Variants in DNAH2 observed in about 807,000 individuals in gnomAD.
DNAH2 encodes dynein axonemal heavy chain 2.
DNAH2 carries 323 observed loss-of-function variants against 523.5 expected under a neutral mutation model. The ratio of observed to expected loss-of-function variants is 0.62; its 90% confidence interval spans 0.56 to 0.68. The LOEUF (loss-of-function observed/expected upper bound fraction) is 0.68, where lower values mean the gene tolerates loss of function less well. Ranked by LOEUF, DNAH2 falls within the 30% of genes least tolerant of loss-of-function variation. The probability of loss-of-function intolerance (pLI) is 0.00; values close to 1 mark genes in which losing one functional copy is unlikely to be tolerated. For missense variants in DNAH2, 4,907 were observed against 5,701.5 expected, an observed-to-expected ratio of 0.86 and a Z score of 4.49; for synonymous variants, 2,093 against 2,177.4, an observed-to-expected ratio of 0.96 and a Z score of 1.08.
At position 7,786,118 on chromosome 17, in the gene DNAH2, C is replaced by T. The variant is rs774929626; in HGVS notation, c.6130-6C>T. 25 of 1,613,766 alleles carry T rather than the reference C, an allele frequency of 1.5e-5. No homozygotes were observed. In the East Asian group the frequency reaches 5.3e-4, roughly 35 times the overall value. On this transcript the variant is annotated splice_region_variant and splice_polypyrimidine_tract_variant and intron_variant, in intron 39 of 85. Coordinates refer to ENST00000572933, the MANE Select transcript of DNAH2 (RefSeq NM_020877.5). The surrounding 1 kb of genome is among the most constrained non-coding windows in gnomAD (Gnocchi z 7.5). ...CTTCTGCTTGCTGTGTTTTCCCTTC[C>T]CTCAGCTGCGGGAGACCGTTGAGCA...
intron 30 of DNAH2, 46 bp from the exon 31 acceptor site, chr17:7,775,978 C>G (rs750166166): frequency 6.2e-7 from 1 of 1,606,680 alleles, no homozygotes; most frequent in Non-Finnish European, 8.5e-7. Flanking sequence ...GGACCTTGGC[C>G]GTGCCCCCTC....
At chr17:7,738,726 A>G (rs1298989349) in intron 8 of DNAH2, among the ~76,000 whole-genome samples, 1 of 151,914 alleles carries the variant, frequency 6.6e-6, no homozygotes, top group Admixed American at 6.6e-5. Flanking sequence ...TCTATTATGT[A>G]TGAATCTGCT....
chr17:7,775,002 T>C, intron 29 of DNAH2, 26 bp downstream of exon 29: 2 of 1,609,174 alleles, frequency 1.2e-6, no homozygotes, highest in Non-Finnish European at 1.7e-6. Flanking sequence ...CACAGTGAGA[T>C]GCTGGGTGGC....
At chr17:7,824,066 C>A in intron 75 of DNAH2, 55 bp from the exon 76 acceptor site, 2 of 1,574,332 alleles carry the variant, frequency 1.3e-6, no homozygotes, top group Non-Finnish European at 8.6e-7. Flanking sequence ...TCATCTCTCT[C>A]TCCCACTTTG....
intron 20 of DNAH2, among the ~76,000 whole-genome samples, chr17:7,764,782 C>CTTTTTTTTTTTTTTTT (rs59188289): frequency 2.0e-5 from 1 of 49,506 alleles, no homozygotes; most frequent in African/African-American, 9.0e-5. Context: ...ACTGTATTTA[C>CTTTTTTTTTTTTTTTT]TTTTTTTTTT....
At position 7,792,697 on chromosome 17, in the gene DNAH2, G is replaced by C; in HGVS notation, c.7186G>C (p.Val2396Leu). ...GATCATGGTGCCCACCGTCGACACT[G>C]TTCGCTACAACTACCTGGTGAGCAG... ...YKIMVPTVDT[V>L]RYNYLVSSLV... is the part of the protein sequence containing the mutation. Residue 2396 changes from valine (V) to leucine (L), a missense_variant, in exon 47 of 86, where the codon GTT becomes CTT. By Grantham distance (32) the Val-to-Leu change is conservative. Coordinates refer to ENST00000572933, the MANE Select transcript of DNAH2 (RefSeq NM_020877.5). 6.2e-7 allele frequency: 1 copy of C among 1,614,192 alleles called. No homozygotes were observed.
At chr17:7,777,072 T>G (rs2076474462) in intron 32 of DNAH2, among the ~76,000 whole-genome samples, 183 bp downstream of exon 32, 1 of 146,584 alleles carries the variant, frequency 6.8e-6, no homozygotes, top group African/African-American at 2.5e-5. Flanking sequence ...GAGGCTGCAG[T>G]GAGCTAAGAT....
chr17:7,735,523 C>T (rs1168079380), intron 7 of DNAH2, among the ~76,000 whole-genome samples: 1 of 152,184 alleles, frequency 6.6e-6, no homozygotes, highest in African/African-American at 2.4e-5. Context: ...ACTGCAACCT[C>T]TACCTCCTGG....
At chr17:7,792,893 T>C (rs1434644789) in intron 47 of DNAH2, 38 bp downstream of exon 47, 10 of 1,605,122 alleles carry the variant, frequency 6.2e-6, no homozygotes, top group Admixed American at 1.7e-5. Flanking sequence ...GCCGGCTCCC[T>C]TGGGATCCAA....
intron 15 of DNAH2, 48 bp from the exon 16 acceptor site, chr17:7,759,374 C>A: frequency 6.4e-7 from 1 of 1,565,346 alleles, no homozygotes; most frequent in Admixed American, 1.9e-5. Context: ...CCAGGATGTG[C>A]CCTGTCTTCC....
chr17:7,774,626 C>T (rs2076399670), intron 28 of DNAH2, 133 bp from the exon 29 acceptor site: 3 of 704,976 alleles, frequency 4.3e-6, no homozygotes, highest in African/African-American at 1.8e-5. Flanking sequence ...GGATACTTCT[C>T]TGCGTCCAGA....
chr17:7,809,472 G>A (rs1438386674), intron 63 of DNAH2, among the ~76,000 whole-genome samples: 3 of 152,234 alleles, frequency 2.0e-5, no homozygotes, highest in South Asian at 2.1e-4. Flanking sequence ...CCACGGCTCC[G>A]TCCCTGCTAC....
chr17:7,728,811 C>T (rs2074902846), intron 4 of DNAH2, among the ~76,000 whole-genome samples: 1 of 152,002 alleles, frequency 6.6e-6, no homozygotes. Context: ...ATAGTGCAAC[C>T]CCATCTCTAC....
chr17:7,804,360 T>C lies in DNAH2; in HGVS notation c.9077T>C (p.Leu3026Ser). 6.2e-7 allele frequency: 1 copy of C among 1,614,124 alleles called. No individual in the cohort carries two copies. The highest frequency in any genetic ancestry group is 8.5e-7 in the Non-Finnish European group (1 of 1,180,022). The change falls in exon 59 of 86, where the codon TTG (leucine) becomes TCG (serine). Residue 3026 changes from leucine to serine, a missense_variant. Around this residue, in one of 3 missense-constraint regions of DNAH2, gnomAD observed 1,851 missense variants for 2,139.4 expected, o/e 0.87. Coordinates refer to ENST00000572933, the MANE Select transcript of DNAH2 (RefSeq NM_020877.5). ...AGGGAAAAGGTGCAAGTGATGTCGT[T>C]GGAGCTGGAGGATGCCAAGAAGAAG... ...ETREKVQVMS[L>S]ELEDAKKKVA... is the part of the protein sequence containing the mutation.
In DNAH2 at chr17:7,760,887, A is replaced by G; in HGVS notation, c.2933A>G (p.Gln978Arg). 2 of 1,614,212 alleles carry G rather than the reference A, an allele frequency of 1.2e-6. No homozygotes were observed. Among genetic ancestry groups the G allele is most frequent in the Non-Finnish European group, 1.7e-6 (2 of 1,180,036 alleles). Residue 978 changes from glutamine (Q) to arginine (R), a missense_variant, in exon 18 of 86, where the codon CAG becomes CGG. Gln to Arg is a conservative substitution (Grantham distance 43). This residue lies in a region of DNAH2 where 2,806 missense variants were observed against 3,190.8 expected (regional missense o/e 0.88). Transcript: ENST00000572933. The surrounding 1 kb of genome is among the most constrained non-coding windows in gnomAD (Gnocchi z 4.0). The part of the protein sequence containing the change: ...INKDSFIHRY[Q>R]RLNPPVSSFV... The stretch of plus-strand genomic sequence containing the variant: ...AAGGACTCCTTCATTCATCGCTACC[A>G]GCGCCTCAACCCTCCTGTCTCTTCT...
chr17:7,749,925 A>T lies in DNAH2; in HGVS notation c.1904+6783A>T, dbSNP rs529034681. On this transcript the variant is annotated intron_variant, in intron 12 of 85. Transcript: ENST00000572933. ...CAGGAGAATCTCGCTTGAACCCGGG[A>T]GGCAGAGGTTGCAGTGAGCTGAGAT... is the stretch of plus-strand genomic sequence containing the variant. 3.6e-3 allele frequency among the ~76,000 whole-genome samples: 543 copies of T among 152,196 alleles called. 2 individuals are homozygous for T. Among genetic ancestry groups the T allele is most frequent in the Non-Finnish European group, 6.2e-3 (424 of 68,004 alleles).
intron 3 of DNAH2, 28 bp downstream of exon 3, chr17:7,723,717 T>A: frequency 6.2e-7 from 1 of 1,603,964 alleles, no homozygotes; most frequent in Non-Finnish European, 8.5e-7. Context: ...CTGTGGCAGA[T>A]ATTCCTCCCC....
intron 12 of DNAH2, among the ~76,000 whole-genome samples, chr17:7,753,664 C>T (rs1454095657): frequency 1.3e-5 from 2 of 152,094 alleles, no homozygotes; most frequent in Non-Finnish European, 2.9e-5. Flanking sequence ...AACCTACAGG[C>T]TTGCTGGGTG....
chr17:7,739,621 C>A, intron 8 of DNAH2, 112 bp from the exon 9 acceptor site: 125 of 746,730 alleles, frequency 1.7e-4, no homozygotes, highest in Middle Eastern at 4.2e-4. Flanking sequence ...TTTTTTTTTT[C>A]ACTTGCCATC....
Sources: gnomAD v4.1 joint callset for allele counts (sites outside exome capture counted in the v4.1 genomes callset) on GRCh38, gnomAD v4.1.1 for gene constraint, gnomAD v4.1.1 regional missense constraint, Gnocchi (gnomAD v3.1) non-coding constraint, MANE v1.5 for transcripts, NCBI Gene and HGNC (gene_info 2026-07-23, HGNC 2026-07-21) for gene names.